RESF1: variants seen among roughly 807,000 people sequenced by gnomAD.
RESF1 encodes the protein retroelement silencing factor 1.
In RESF1, 65 loss-of-function variants were observed where a neutral mutation model predicts 134.7. The ratio of observed to expected loss-of-function variants is 0.48; its 90% CI spans 0.40 to 0.59. The LOEUF is 0.59. Among genes scored for constraint, RESF1 ranks in the 20% least tolerant of loss-of-function variants. The pLI, the probability that RESF1 is intolerant of heterozygous loss-of-function variation, is 0.00. For missense variants in RESF1, 2,274 were observed against 2,002.7 expected (o/e 1.14, Z -2.59); for synonymous variants, 762 against 702.2 (o/e 1.09, Z -1.35).
intron 3 of RESF1, among the ~76,000 whole-genome samples, chr12:31,980,513 A>C (rs1426772445): frequency 2.0e-5 from 3 of 152,196 alleles, no homozygotes; most frequent in African/African-American, 7.2e-5. Flanking sequence ...CATATGTTTG[A>C]ACTTCCCTTT....
At chr12:31,966,317 G>A (rs1210339248) in intron 2 of RESF1, among the ~76,000 whole-genome samples, 1 of 152,218 alleles carries the variant, frequency 6.6e-6, no homozygotes, top group Admixed American at 6.5e-5. Context: ...TATCCAGAGG[G>A]CTCCGAAATG....
At chr12:31,992,278 T>TTTTA in intron 5 of RESF1, 100 bp from the exon 6 acceptor site, 1 of 1,071,362 alleles carries the variant, frequency 9.3e-7, no homozygotes, top group Non-Finnish European at 1.4e-6. Context: ...TGCCTTAATT[T>TTTTA]TTTATCCCTC....
chr12:31,959,565 A>C (rs1484214337), intron 1 of RESF1, 74 bp downstream of exon 1: 1 of 152,300 alleles, frequency 6.6e-6, no homozygotes, highest in Non-Finnish European at 1.5e-5. Context: ...GGGAGCCGGG[A>C]GCCAGAGGCA....
chr12:31,981,669 A>T lies in RESF1; in HGVS notation c.714A>T (p.Pro238=), dbSNP rs1939795740. 1 of 1,613,828 alleles carries T rather than the reference A, an allele frequency of 6.2e-7. No individual in the cohort carries two copies. Among genetic ancestry groups the T allele is most frequent in the Non-Finnish European group, 8.5e-7 (1 of 1,179,922 alleles). The change falls in exon 4 of 6, where the codon CCA becomes CCT. Residue 238 remains proline, a synonymous_variant. Coordinates refer to ENST00000312561, the MANE Select transcript of RESF1 (RefSeq NM_018169.4). ...DSTIQKQNFI[P]HTSLQVKNSQ... is the part of the protein sequence containing the mutation. ...CCATTCAAAAACAAAACTTTATACCACATACATCATTGCAAGTTAAAAATA... is the reference window on the plus strand; with the variant it reads ...CCATTCAAAAACAAAACTTTATACCTCATACATCATTGCAAGTTAAAAATA...
At position 31,981,388 on chromosome 12, in the gene RESF1, A is replaced by G. The variant is rs1939784287; in HGVS notation, c.433A>G (p.Asn145Asp). Reference sequence around the variant, plus strand: ...ATCTCATCAAACTGATTTTGGAGCTAACGTACCCAATATGCCGGCACTACA... The same window carrying G: ...ATCTCATCAAACTGATTTTGGAGCTGACGTACCCAATATGCCGGCACTACA... ...TVSHQTDFGA[N>D]VPNMPALQSQ... The change falls in exon 4 of 6, where the codon AAC becomes GAC. Residue 145 changes from asparagine (N) to aspartate (D), a missense_variant. Coordinates refer to ENST00000312561, the MANE Select transcript of RESF1 (RefSeq NM_018169.4). 1.2e-6 allele frequency: 2 copies of G among 1,614,074 alleles called. No individual in the cohort carries two copies. The highest frequency in any genetic ancestry group is 1.3e-5 in the African/African-American group (1 of 74,934).
intron 4 of RESF1, among the ~76,000 whole-genome samples, chr12:31,986,912 A>T (rs1448079216): frequency 6.6e-6 from 1 of 152,166 alleles, no homozygotes; most frequent in East Asian, 1.9e-4. Context: ...TTGGAATTTG[A>T]GGTGGGGATA....
chr12:31,974,884 C>T (rs10844080), intron 3 of RESF1, among the ~76,000 whole-genome samples: 16,041 of 151,164 alleles, frequency 0.11, 1,031 homozygotes, highest in East Asian at 0.22. Context: ...AGAGTCCTAA[C>T]GCCTGAGAGT....
chr12:31,959,695 C>T (rs1390662542), intron 1 of RESF1: 2 of 151,172 alleles, frequency 1.3e-5, no homozygotes, highest in African/African-American at 4.8e-5. Flanking sequence ...CGCCGTCCGC[C>T]CACCGGAGCT....
intron 2 of RESF1, among the ~76,000 whole-genome samples, chr12:31,968,147 C>A (rs1939438505): frequency 6.6e-6 from 1 of 152,152 alleles, no homozygotes; most frequent in South Asian, 2.1e-4. Flanking sequence ...GAAAAATAGA[C>A]TTTACTCAGT....
Position 31,982,726 on chromosome 12 carries a change from G to A in RESF1, c.1771G>A (p.Ala591Thr), listed in dbSNP as rs1939835370. The A allele has an allele frequency of 2.5e-6, 4 of 1,613,584 alleles. No individual in the cohort carries two copies. The highest frequency in any genetic ancestry group is 1.7e-5 in the Admixed American group (1 of 59,984). The change falls in exon 4 of 6, where the codon GCA becomes ACA. Residue 591 changes from alanine to threonine, a missense_variant. Transcript: ENST00000312561. ...GCTACTTCTCGCTTTGCTTTCACAG[G>A]CACGTAAGACTCAGAAGACAGTATT... ...NMLLLALLSQ[A>T]RKTQKTVLKD...
Position 31,985,455 on chromosome 12 carries a change from C to T in RESF1, c.4500C>T (p.Ser1500=), listed in dbSNP as rs138282610. Residue 1500 remains serine (S), a synonymous_variant, in exon 4 of 6, where the codon AGC becomes AGT. Transcript: ENST00000312561. Reference sequence around the variant, plus strand: ...GGAAATCAAATGAGAAACACAGCAGCGGCGTGCAGACCTCTAAAGAATCAT... The same window carrying T: ...GGAAATCAAATGAGAAACACAGCAGTGGCGTGCAGACCTCTAAAGAATCAT... ...SCGKSNEKHS[S]GVQTSKESLN... 175 of 1,607,238 alleles carry T rather than the reference C, an allele frequency of 1.1e-4. 1 individual carries two copies. The African/African-American group carries it at 1.4e-3, about 12-fold the overall frequency.
chr12:31,992,796 A>G lies in RESF1; in HGVS notation c.*261A>G. The G allele has an allele frequency of 2.3e-6, 1 of 428,808 alleles. No homozygotes were observed. Among genetic ancestry groups the G allele is most frequent in the Non-Finnish European group, 4.2e-6 (1 of 236,964 alleles). 26.6% of individuals were successfully genotyped at this position (428,808 alleles called of 1,614,324 possible). A position where few individuals can be genotyped will look rare whatever the true frequency, so the allele number is the denominator to read the frequency against. On this transcript the variant is annotated 3_prime_UTR_variant, in exon 6 of 6. Transcript: ENST00000312561. ...TGAACCAGATTTACCATTATTTTAAAAGGAATGCTTATACAAATCAATTTG... is the reference window on the plus strand; with the variant it reads ...TGAACCAGATTTACCATTATTTTAAGAGGAATGCTTATACAAATCAATTTG...
At chr12:31,966,234 G>C (rs754493505) in intron 2 of RESF1, among the ~76,000 whole-genome samples, 1 of 152,154 alleles carries the variant, frequency 6.6e-6, no homozygotes, top group African/African-American at 2.4e-5. Context: ...ATTCAAAGCC[G>C]TCTTGGGCTG....
intron 5 of RESF1, among the ~76,000 whole-genome samples, 155 bp from the exon 6 acceptor site, chr12:31,992,223 T>G (rs938542173): frequency 3.4e-5 from 5 of 146,250 alleles, no homozygotes; most frequent in African/African-American, 1.3e-4. Flanking sequence ...AACTTACAAT[T>G]CTATAAGTGA....
intron 2 of RESF1, among the ~76,000 whole-genome samples, chr12:31,969,011 G>A (rs147781829): frequency 6.6e-6 from 1 of 152,078 alleles, no homozygotes; most frequent in Non-Finnish European, 1.5e-5. Context: ...CACTACCATA[G>A]TCCACTGCAC....
At chr12:31,968,388 T>C (rs1353408914) in intron 2 of RESF1, among the ~76,000 whole-genome samples, 1 of 152,144 alleles carries the variant, frequency 6.6e-6, no homozygotes, top group Non-Finnish European at 1.5e-5. Flanking sequence ...TTGGCATAGA[T>C]AGAAAAGGAA....
rs571013541 is a variant in RESF1 at position 31,965,177 on chromosome 12, G to A, written c.-247+4306G>A. ...TCACCATGTTGGCCAGGCTGGTCTC[G>A]AACTTCTGACCTCAAGTGATCAGCG... On this transcript the variant is annotated intron_variant, in intron 2 of 5. Transcript: ENST00000312561. Among the ~76,000 whole-genome samples the A allele has an allele frequency of 2.2e-3, 329 of 152,148 alleles. 2 individuals carry two copies. The highest frequency in any genetic ancestry group is 7.6e-3 in the African/African-American group (315 of 41,502).
At position 31,984,839 on chromosome 12, in the gene RESF1, A is replaced by G; in HGVS notation, c.3884A>G (p.Lys1295Arg). 1 of 1,602,126 alleles carries G rather than the reference A, an allele frequency of 6.2e-7. No individual in the cohort carries two copies. Among genetic ancestry groups the G allele is most frequent in the South Asian group, 1.1e-5 (1 of 87,924 alleles). The change falls in exon 4 of 6, where the codon AAA (lysine) becomes AGA (arginine). Residue 1295 changes from lysine (K) to arginine (R), a missense_variant. Lys to Arg is a conservative substitution (Grantham distance 26). Transcript: ENST00000312561. ...KLNPLQNHKR[K>R]KLRFHEVTFH... ...AATCCCTTGCAAAATCACAAAAGAA[A>G]AAAATTGAGGTTTCACGAGGTAACC...
Position 31,981,748 on chromosome 12 carries a change from C to G in RESF1, c.793C>G (p.Pro265Ala), listed in dbSNP as rs767130616. 6.2e-7 allele frequency: 1 copy of G among 1,613,758 alleles called. No homozygotes were observed. Among genetic ancestry groups the G allele is most frequent in the African/African-American group, 1.3e-5 (1 of 75,056 alleles). The change falls in exon 4 of 6, where the codon CCA (proline) becomes GCA (alanine). Residue 265 changes from proline to alanine, a missense_variant. Physicochemically the swap from Pro to Ala is conservative, Grantham distance 27 (BLOSUM62 -1). Coordinates refer to ENST00000312561, the MANE Select transcript of RESF1 (RefSeq NM_018169.4). ...TLPSRQTSAV[P>A]SQQYATQTDK... The stretch of plus-strand genomic sequence containing the variant: ...ACCATCAAGGCAGACCTCAGCTGTA[C>G]CATCACAGCAGTATGCCACGCAAAC...
Sources: allele counts gnomAD v4.1 joint callset (sites outside exome capture counted in the v4.1 genomes callset), GRCh38; gene constraint gnomAD v4.1.1; transcripts MANE v1.5; gene names NCBI Gene and HGNC (gene_info 2026-07-23, HGNC 2026-07-21).